The following PCDH15 variants were observed in gnomAD, a reference collection of about 807,000 sequenced individuals.
The protein encoded by PCDH15 is protocadherin-15.
In PCDH15, 129 loss-of-function variants were observed where a neutral mutation model predicts 178.5. That is an observed-to-expected ratio of 0.72 (90% confidence interval 0.63 to 0.84). The LOEUF is 0.84. Ranked by LOEUF, PCDH15 falls within the 40% of genes least tolerant of loss-of-function variation. The pLI, the probability that PCDH15 is intolerant of heterozygous loss-of-function variation, is 0.00. For missense variants in PCDH15, 2,230 were observed against 2,099.9 expected (o/e 1.06, Z -1.21); for synonymous variants, 800 against 732.0 (o/e 1.09, Z -1.50).
intron 2 of PCDH15, among the ~76,000 whole-genome samples, chr10:55,354,865 T>C (rs959627168): frequency 3.3e-5 from 5 of 152,056 alleles, no homozygotes; most frequent in Admixed American, 6.6e-5. Context: ...AGAGCAATTC[T>C]ATCACGGAAA....
intron 11 of PCDH15, among the ~76,000 whole-genome samples, chr10:54,192,390 G>T (rs892130084): frequency 2.6e-5 from 4 of 152,056 alleles, no homozygotes; most frequent in African/African-American, 9.7e-5. Flanking sequence ...TAGGGTGGTG[G>T]TTATAAGGAT....
chr10:54,644,104 T>C (rs2094064637), intron 2 of PCDH15, among the ~76,000 whole-genome samples: 1 of 150,088 alleles, frequency 6.7e-6, no homozygotes, highest in African/African-American at 2.4e-5. Flanking sequence ...TTACTGGGAA[T>C]GATGATTTCC....
chr10:54,413,268 T>C (rs565643227), intron 3 of PCDH15, among the ~76,000 whole-genome samples: 47 of 152,320 alleles, frequency 3.1e-4, no homozygotes, highest in African/African-American at 1.1e-3. Flanking sequence ...GGCTATCTAT[T>C]ACAGCTCTTT....
At chr10:55,089,855 A>G (rs929383447) in intron 2 of PCDH15, among the ~76,000 whole-genome samples, 18 of 152,076 alleles carry the variant, frequency 1.2e-4, no homozygotes, top group Non-Finnish European at 2.4e-4. Context: ...TTATTCGGGA[A>G]GTTAATGTTC....
intron 28 of PCDH15, among the ~76,000 whole-genome samples, chr10:53,847,055 G>A (rs542804680): frequency 4.9e-4 from 75 of 151,988 alleles, no homozygotes; most frequent in Non-Finnish European, 8.4e-4. Context: ...TTGTGTCTTT[G>A]TGGAAATTAC....
At chr10:54,492,292 A>T (rs1221177739) in intron 3 of PCDH15, among the ~76,000 whole-genome samples, 1 of 152,198 alleles carries the variant, frequency 6.6e-6, no homozygotes, top group Non-Finnish European at 1.5e-5. Context: ...GTGCTGAGAC[A>T]TTCAAGAGTC....
intron 2 of PCDH15, among the ~76,000 whole-genome samples, chr10:55,019,448 CT>C (rs200935406): frequency 6.6e-5 from 10 of 151,258 alleles, no homozygotes; most frequent in East Asian, 3.9e-4. Context: ...AGGACTACCC[CT>C]TTTTTTTTCC....
At position 54,873,829 on chromosome 10, in the gene PCDH15, T is replaced by G. The variant is rs142685479; in HGVS notation, c.-29+23621A>C. On this transcript the variant is annotated intron_variant, in intron 3 of 5. Transcript: ENST00000458638. The stretch of plus-strand genomic sequence containing the variant: ...CTACTGATATAAGAAAAATAATAAT[T>G]TAATCAAGTGGGCATTCTGCCTATT... 9.0e-3 allele frequency among the ~76,000 whole-genome samples: 1,336 copies of G among 149,214 alleles called. 9 individuals carry two copies. The highest frequency in any genetic ancestry group is 0.014 in the Non-Finnish European group (929 of 67,276).
At chr10:55,309,865 T>C (rs1236620468) in intron 1 of PCDH15, among the ~76,000 whole-genome samples, 3 of 152,168 alleles carry the variant, frequency 2.0e-5, no homozygotes, top group Non-Finnish European at 2.9e-5. Flanking sequence ...TCCCAATCCA[T>C]CACCTTGGCT....
intron 2 of PCDH15, among the ~76,000 whole-genome samples, chr10:54,927,802 A>T (rs965385697): frequency 6.6e-6 from 1 of 151,810 alleles, no homozygotes; most frequent in Non-Finnish European, 1.5e-5. Flanking sequence ...ATATTTTTTC[A>T]TCCATTTACT....
intron 1 of PCDH15, among the ~76,000 whole-genome samples, chr10:54,756,672 GTGTGTA>G (rs1386623579): frequency 1.3e-5 from 2 of 150,998 alleles, no homozygotes; most frequent in Admixed American, 6.6e-5. Context: ...TTATGTGAGC[GTGTGTA>G]TGTGTATGTG....
intron 1 of PCDH15, among the ~76,000 whole-genome samples, chr10:54,771,419 C>A (rs1407483768): frequency 6.6e-6 from 1 of 152,048 alleles, no homozygotes; most frequent in African/African-American, 2.4e-5. Flanking sequence ...TTTGGTTAGA[C>A]ATTTGATCAT....
intron 15 of PCDH15, among the ~76,000 whole-genome samples, chr10:54,099,543 C>CA (rs988385795): frequency 7.9e-5 from 8 of 101,514 alleles, no homozygotes; most frequent in South Asian, 3.1e-4. Flanking sequence ...AAACAAAAAA[C>CA]AAAAAAACAG....
intron 1 of PCDH15, among the ~76,000 whole-genome samples, chr10:54,793,558 G>A (rs1018928080): frequency 4.0e-5 from 6 of 151,050 alleles, no homozygotes; most frequent in Non-Finnish European, 8.9e-5. Context: ...AGCTGAAAAA[G>A]GCATGAATTA....
intron 7 of PCDH15, among the ~76,000 whole-genome samples, chr10:54,324,760 A>G (rs2061832719): frequency 6.6e-6 from 1 of 152,098 alleles, no homozygotes; most frequent in East Asian, 1.9e-4. Flanking sequence ...GCAAAACCCC[A>G]TCTCAAAATA....
At chr10:55,248,039 T>C (rs1490435488) in intron 1 of PCDH15, among the ~76,000 whole-genome samples, 1 of 151,062 alleles carries the variant, frequency 6.6e-6, no homozygotes, top group Non-Finnish European at 1.5e-5. Flanking sequence ...TCTATTTTTA[T>C]ATACATATAT....
intron 2 of PCDH15, among the ~76,000 whole-genome samples, chr10:55,535,535 G>T (rs1841558054): frequency 6.6e-6 from 1 of 152,012 alleles, no homozygotes; most frequent in African/African-American, 2.4e-5. Flanking sequence ...AGATGCTAAA[G>T]AAATTCAGAG....
intron 8 of PCDH15, among the ~76,000 whole-genome samples, chr10:54,298,000 G>C (rs985729826): frequency 6.6e-6 from 1 of 152,166 alleles, no homozygotes; most frequent in Non-Finnish European, 1.5e-5. Context: ...GCCGTGCCCA[G>C]TATGGATCCC....
At chr10:54,040,812 C>G (rs1208482386) in intron 18 of PCDH15, among the ~76,000 whole-genome samples, 6 of 152,074 alleles carry the variant, frequency 3.9e-5, no homozygotes, top group South Asian at 2.1e-4. Context: ...GTCAATTTCC[C>G]AAGCTTAGCA....
Sources: allele counts gnomAD v4.1 joint callset (sites outside exome capture counted in the v4.1 genomes callset), GRCh38; gene constraint gnomAD v4.1.1; transcripts MANE v1.5; gene names NCBI Gene and HGNC (gene_info 2026-07-23, HGNC 2026-07-21).